NRG1: variants seen among roughly 807,000 people sequenced by gnomAD.
NRG1 encodes pro-neuregulin-1, membrane-bound isoform.
NRG1 carries 18 observed loss-of-function variants against 63.8 expected under a neutral mutation model. That is an observed-to-expected ratio of 0.28 (90% CI 0.19 to 0.42). NRG1 has a LOEUF of 0.42. Ranked by LOEUF, NRG1 falls within the 10% of genes least tolerant of loss-of-function variation. The pLI is 1.00. For synonymous variants in NRG1, 302 were observed against 301.3 expected, an observed-to-expected ratio of 1.00 and a Z score of -0.02; for missense variants, 762 against 814.7, an observed-to-expected ratio of 0.94 and a Z score of 0.79.
At chr8:32,010,725 T>C (rs1240158049) in intron 1 of NRG1, among the ~76,000 whole-genome samples, 1 of 152,108 alleles carries the variant, frequency 6.6e-6, no homozygotes, top group East Asian at 1.9e-4. Flanking sequence ...GGATTTGTTT[T>C]ATCTGAAAAT....
At chr8:32,493,597 G>T (rs10093361) in intron 1 of NRG1, among the ~76,000 whole-genome samples, 2 of 152,082 alleles carry the variant, frequency 1.3e-5, no homozygotes, top group African/African-American at 2.4e-5. Flanking sequence ...ATTTGAAATG[G>T]CAGCATTTCC....
At chr8:32,174,741 A>G (rs887765707) in intron 1 of NRG1, among the ~76,000 whole-genome samples, 6 of 152,238 alleles carry the variant, frequency 3.9e-5, no homozygotes, top group African/African-American at 1.4e-4. Context: ...GAAGAAATGG[A>G]TACATTCCTC....
chr8:32,096,491 G>A (rs1031749971), intron 1 of NRG1, among the ~76,000 whole-genome samples: 5 of 152,096 alleles, frequency 3.3e-5, no homozygotes, highest in Admixed American at 2.6e-4. Flanking sequence ...TTAATTATAT[G>A]TCTTAGGCTG....
At chr8:32,421,219 A>T (rs967487783) in intron 1 of NRG1, among the ~76,000 whole-genome samples, 1 of 152,084 alleles carries the variant, frequency 6.6e-6, no homozygotes, top group Admixed American at 6.6e-5. Context: ...TTTACTATAG[A>T]CCCCAAGATT....
At chr8:32,595,020 A>C (rs1400935360) in intron 1 of NRG1, among the ~76,000 whole-genome samples, 1 of 152,196 alleles carries the variant, frequency 6.6e-6, no homozygotes, top group Admixed American at 6.5e-5. Flanking sequence ...CTTTGTAACC[A>C]TGGATAAAGT....
intron 1 of NRG1, among the ~76,000 whole-genome samples, chr8:32,003,019 G>A (rs1283468811): frequency 2.0e-5 from 3 of 151,992 alleles, no homozygotes; most frequent in Non-Finnish European, 4.4e-5. Flanking sequence ...CCATATTGCT[G>A]TAGGAAAGAC....
At chr8:32,247,132 G>C (rs941361834) in intron 1 of NRG1, among the ~76,000 whole-genome samples, 1 of 151,722 alleles carries the variant, frequency 6.6e-6, no homozygotes, top group Non-Finnish European at 1.5e-5. Flanking sequence ...GAAAGCACTG[G>C]CTTAGAAGAA....
chr8:31,724,365 GA>G (rs1307367344), intron 1 of NRG1, among the ~76,000 whole-genome samples: 1 of 152,102 alleles, frequency 6.6e-6, no homozygotes, highest in Non-Finnish European at 1.5e-5. Context: ...TGAGAAATAT[GA>G]AAGGAGTCCA....
chr8:32,401,903 G>GT (rs1463373925), intron 1 of NRG1, among the ~76,000 whole-genome samples: 8 of 151,950 alleles, frequency 5.3e-5, no homozygotes, highest in Non-Finnish European at 1.0e-4. Context: ...TGTTTGTTTG[G>GT]TTTTTTTGTT....
chr8:32,238,465 T>C (rs1479451993), intron 1 of NRG1, among the ~76,000 whole-genome samples: 2 of 151,688 alleles, frequency 1.3e-5, no homozygotes, highest in African/African-American at 4.8e-5. Flanking sequence ...AAAAAACCTT[T>C]AGGAAGGATA....
chr8:32,456,895 G>A (rs906450984), intron 1 of NRG1, among the ~76,000 whole-genome samples: 3 of 152,144 alleles, frequency 2.0e-5, no homozygotes, highest in Non-Finnish European at 4.4e-5. Context: ...ACTTTGGGAG[G>A]CCGAGGAGGG....
chr8:32,464,769 G>A (rs1822848349), intron 1 of NRG1, among the ~76,000 whole-genome samples: 1 of 151,266 alleles, frequency 6.6e-6, no homozygotes, highest in Admixed American at 6.7e-5. Context: ...TAGAAACTTG[G>A]GGATTTTACC....
chr8:31,822,036 G>A (rs1824054089), intron 1 of NRG1, among the ~76,000 whole-genome samples: 1 of 152,186 alleles, frequency 6.6e-6, no homozygotes, highest in South Asian at 2.1e-4. Flanking sequence ...CTGACCAATA[G>A]AAGGGCATTT....
At chr8:32,757,924 G>A (rs967820429) in intron 9 of NRG1, among the ~76,000 whole-genome samples, 1 of 152,114 alleles carries the variant, frequency 6.6e-6, no homozygotes, top group African/African-American at 2.4e-5. Flanking sequence ...CTTCCAAAAA[G>A]CAATAGTGAA....
chr8:31,678,098 T>TATTTA (rs1234257602), intron 1 of NRG1, among the ~76,000 whole-genome samples: 2 of 151,784 alleles, frequency 1.3e-5, no homozygotes, highest in East Asian at 1.9e-4. Flanking sequence ...GTTATTTATT[T>TATTTA]ATTTATTTAT....
chr8:31,758,521 A>T lies in NRG1; in HGVS notation c.37+119090A>T, dbSNP rs567644627. ...AAACTGTGGCACATACACACCATGG[A>T]ATACTGTGCAGCCATAAAAAAGGAT... On this transcript the variant is annotated intron_variant, in intron 1 of 10. Transcript: ENST00000519301. Among the ~76,000 whole-genome samples, 10 of 152,280 alleles carry T rather than the reference A, an allele frequency of 6.6e-5. No individual in the cohort carries two copies. In the South Asian group the frequency reaches 2.1e-3, roughly 32 times the overall value.
intron 1 of NRG1, among the ~76,000 whole-genome samples, chr8:31,934,379 C>A (rs558734861): frequency 6.7e-6 from 1 of 148,368 alleles, no homozygotes; most frequent in South Asian, 2.1e-4. Flanking sequence ...ATATATCTTT[C>A]TCCCCCTACA....
In NRG1 at chr8:32,078,763, T is replaced by C. The variant is rs117911932; in HGVS notation, c.37+439332T>C. Among the ~76,000 whole-genome samples the C allele has an allele frequency of 1.0e-3, 154 of 152,282 alleles. 2 individuals are homozygous for C. The East Asian group carries it at 0.026, about 26-fold the overall frequency. ...TTCTCTTTTTATGTCCGGCCCACTC[T>C]CCTGATAGATATAACCTCCCTCCTG... is the stretch of plus-strand genomic sequence containing the variant. On this transcript the variant is annotated intron_variant, in intron 1 of 10. Transcript: ENST00000519301.
chr8:31,882,438 G>A (rs1213906670), intron 1 of NRG1, among the ~76,000 whole-genome samples: 5 of 151,422 alleles, frequency 3.3e-5, no homozygotes, highest in South Asian at 4.2e-4. Context: ...GAAGGTGAAC[G>A]TTGTTTTCAT....
Sources: gnomAD v4.1 joint callset for allele counts (sites outside exome capture counted in the v4.1 genomes callset) on GRCh38, gnomAD v4.1.1 for gene constraint, MANE v1.5 for transcripts, NCBI Gene and HGNC (gene_info 2026-07-23, HGNC 2026-07-21) for gene names.